Variants in PRR5L observed in about 807,000 individuals in gnomAD.
PRR5L encodes proline rich 5 like, also known as proline-rich protein 5-like.
In PRR5L, 21 loss-of-function variants were observed where a neutral mutation model predicts 36.4. That is an observed-to-expected ratio of 0.58 (90% CI 0.41 to 0.83). PRR5L has a LOEUF of 0.83. PRR5L is among the 40% of genes least tolerant of loss of function. The pLI is 0.00. For missense variants in PRR5L, 381 were observed against 473.3 expected, an observed-to-expected ratio of 0.80 and a Z score of 1.81; for synonymous variants, 188 against 197.0, an observed-to-expected ratio of 0.95 and a Z score of 0.38.
At chr11:36,350,947 TATATTTA>T (rs1565406419) in intron 1 of PRR5L, among the ~76,000 whole-genome samples, 1,795 of 12,468 alleles carry the variant, frequency 0.14, 281 homozygotes, top group Non-Finnish European at 0.2. Context: ...TTTATATATA[TATATTTA>T]TATATATTTA....
chr11:36,313,012 G>C (rs1856519767), intron 1 of PRR5L, among the ~76,000 whole-genome samples: 1 of 152,248 alleles, frequency 6.6e-6, no homozygotes, highest in South Asian at 2.1e-4. Context: ...GTATCCTCTA[G>C]GATTCCAGAG....
At chr11:36,333,412 T>C (rs886126471) in intron 1 of PRR5L, among the ~76,000 whole-genome samples, 1 of 152,164 alleles carries the variant, frequency 6.6e-6, no homozygotes, top group Non-Finnish European at 1.5e-5. Flanking sequence ...CATACATCTA[T>C]ATAAAGACTG....
chr11:36,367,925 G>A (rs1006692035), intron 1 of PRR5L, among the ~76,000 whole-genome samples: 8 of 152,046 alleles, frequency 5.3e-5, no homozygotes, highest in Non-Finnish European at 7.4e-5. Context: ...ATGACCAGCC[G>A]TGGGTTAAGA....
intron 6 of PRR5L, 88 bp from the exon 7 acceptor site, chr11:36,446,212 T>C (rs1858825423): frequency 1.4e-6 from 2 of 1,462,128 alleles, no homozygotes; most frequent in East Asian, 2.3e-5. Context: ...TGGTGCTATA[T>C]AAACATGTGT....
chr11:36,422,253 G>A (rs1161995956), intron 4 of PRR5L, among the ~76,000 whole-genome samples: 1 of 152,138 alleles, frequency 6.6e-6, no homozygotes, highest in Non-Finnish European at 1.5e-5. Flanking sequence ...GGCTTGTAGA[G>A]GCGAGCTTAG....
At chr11:36,404,191 G>C (rs149001941) in intron 3 of PRR5L, among the ~76,000 whole-genome samples, 29 of 152,086 alleles carry the variant, frequency 1.9e-4, no homozygotes, top group Non-Finnish European at 3.4e-4. Flanking sequence ...TCTATGTTTT[G>C]GTGAAATGAG....
chr11:36,409,894 C>T (rs952807127), intron 3 of PRR5L, among the ~76,000 whole-genome samples: 1 of 152,188 alleles, frequency 6.6e-6, no homozygotes, highest in Non-Finnish European at 1.5e-5. Context: ...GGGATTTGAA[C>T]CCAAGCCTCC....
chr11:36,337,480 A>G (rs1590454874), intron 1 of PRR5L, among the ~76,000 whole-genome samples: 1 of 152,224 alleles, frequency 6.6e-6, no homozygotes, highest in East Asian at 1.9e-4. Context: ...TACTCAGCCT[A>G]GGGCATTCTG....
intron 6 of PRR5L, among the ~76,000 whole-genome samples, chr11:36,440,210 G>C (rs1858691485): frequency 6.6e-6 from 1 of 152,138 alleles, no homozygotes; most frequent in Non-Finnish European, 1.5e-5. Context: ...AACCAGCGAG[G>C]AGTTCTGAAG....
intron 1 of PRR5L, among the ~76,000 whole-genome samples, chr11:36,368,591 C>A (rs1458435587): frequency 6.6e-6 from 1 of 152,202 alleles, no homozygotes; most frequent in African/African-American, 2.4e-5. Flanking sequence ...TTCACCTTAT[C>A]ACTCTCATTC....
intron 1 of PRR5L, among the ~76,000 whole-genome samples, chr11:36,331,799 G>A (rs1337727944): frequency 6.6e-6 from 1 of 152,162 alleles, no homozygotes; most frequent in African/African-American, 2.4e-5. Context: ...GTATATCCAC[G>A]AGTTCATAGA....
At chr11:36,457,345 G>A (rs1859082340) in intron 8 of PRR5L, among the ~76,000 whole-genome samples, 1 of 152,140 alleles carries the variant, frequency 6.6e-6, no homozygotes, top group Non-Finnish European at 1.5e-5. Flanking sequence ...AGTGGCTCAT[G>A]CCTGTAATCC....
At chr11:36,386,270 A>C (rs897377736) in intron 1 of PRR5L, among the ~76,000 whole-genome samples, 3 of 152,218 alleles carry the variant, frequency 2.0e-5, no homozygotes, top group Non-Finnish European at 2.9e-5. Flanking sequence ...TGGGTGACAG[A>C]GCGAGACCTT....
intron 1 of PRR5L, among the ~76,000 whole-genome samples, chr11:36,316,332 G>A (rs973967157): frequency 6.6e-6 from 1 of 152,176 alleles, no homozygotes; most frequent in Non-Finnish European, 1.5e-5. Flanking sequence ...CTTGCCCACT[G>A]CCTAGACAGA....
At chr11:36,379,678 C>T (rs1001698766) in intron 1 of PRR5L, among the ~76,000 whole-genome samples, 6 of 152,096 alleles carry the variant, frequency 3.9e-5, no homozygotes, top group African/African-American at 1.2e-4. Flanking sequence ...AAGCAGAAAG[C>T]ACTGTTTTAC....
In PRR5L at chr11:36,365,360, C is replaced by T. The variant is rs759116889; in HGVS notation, c.-125-35637C>T. ...AGTAGACTCAATTAAGATCTCCCCT[C>T]GTCTTATACAGTCTCGGGTCCTTTC... On this transcript the variant is annotated intron_variant, in intron 1 of 8. Transcript: ENST00000530639. Among the ~76,000 whole-genome samples the T allele has an allele frequency of 3.9e-4, 59 of 152,128 alleles. 1 individual carries two copies. Among genetic ancestry groups the T allele is most frequent in the Non-Finnish European group, 6.5e-4 (44 of 68,024 alleles).
intron 8 of PRR5L, among the ~76,000 whole-genome samples, chr11:36,458,427 A>G (rs1859109881): frequency 6.6e-6 from 1 of 152,354 alleles, no homozygotes. Context: ...ATGGGTGGGA[A>G]CACACTCTAC....
intron 6 of PRR5L, 35 bp from the exon 7 acceptor site, chr11:36,446,265 T>G (rs1858826673): frequency 1.9e-6 from 3 of 1,608,256 alleles, no homozygotes; most frequent in African/African-American, 1.3e-5. Flanking sequence ...CAGTAAGCTC[T>G]CACCTCCCGG....
chr11:36,366,056 T>A (rs1203141883), intron 1 of PRR5L, among the ~76,000 whole-genome samples: 1 of 152,170 alleles, frequency 6.6e-6, no homozygotes, highest in African/African-American at 2.4e-5. Flanking sequence ...ATATTTATCT[T>A]CCCCAAACAG....
Sources: gnomAD v4.1 joint callset for allele counts (sites outside exome capture counted in the v4.1 genomes callset) on GRCh38, gnomAD v4.1.1 for gene constraint, MANE v1.5 for transcripts, NCBI Gene and HGNC (gene_info 2026-07-23, HGNC 2026-07-21) for gene names.